The following PIK3C3 variants were observed in gnomAD, a reference collection of about 807,000 sequenced individuals.
PIK3C3 encodes phosphatidylinositol 3-kinase catalytic subunit type 3.
A neutral mutation model predicts 126.1 loss-of-function variants in PIK3C3; 95 were observed. The ratio of observed to expected loss-of-function variants is 0.75; its 90% CI spans 0.64 to 0.89. The LOEUF (loss-of-function observed/expected upper bound fraction) is 0.89, where lower values mean the gene tolerates loss of function less well. Among genes scored for constraint, PIK3C3 ranks in the 40% least tolerant of loss-of-function variants. The pLI is 0.00. For synonymous variants in PIK3C3, 374 were observed against 360.0 expected, an observed-to-expected ratio of 1.04 and a Z score of -0.44; for missense variants, 829 against 1,063.2, an observed-to-expected ratio of 0.78 and a Z score of 3.06.
chr18:42,067,048 T>C (rs1040588025), intron 23 of PIK3C3, among the ~76,000 whole-genome samples: 1 of 152,128 alleles, frequency 6.6e-6, no homozygotes, highest in African/African-American at 2.4e-5. Context: ...TCATATATAG[T>C]AACTCTAGAT....
chr18:42,028,924 G>A (rs1983694681), intron 14 of PIK3C3, among the ~76,000 whole-genome samples: 1 of 152,214 alleles, frequency 6.6e-6, no homozygotes. Context: ...TTAGTTCCTT[G>A]AAGATCTATA....
At chr18:42,058,176 A>G (rs1016361069) in intron 22 of PIK3C3, 125 bp downstream of exon 22, 2 of 666,088 alleles carry the variant, frequency 3.0e-6, no homozygotes, top group Non-Finnish European at 4.7e-6. Flanking sequence ...AAAGGCAACA[A>G]TATTTCCTAT....
At chr18:42,054,126 G>GTATATCTATATCTATATATATATCTATA (rs1473971394) in intron 21 of PIK3C3, among the ~76,000 whole-genome samples, 1 of 69,654 alleles carries the variant, frequency 1.4e-5, no homozygotes, top group Non-Finnish European at 2.8e-5. Context: ...AGAACTAATG[G>GTATATCTATATCTATATATATATCTATA]TATATATATA....
intron 10 of PIK3C3, among the ~76,000 whole-genome samples, chr18:42,012,010 A>G (rs1461110497): frequency 6.6e-6 from 1 of 152,198 alleles, no homozygotes; most frequent in African/African-American, 2.4e-5. Flanking sequence ...CAATAGTAAC[A>G]TCAAAGATCA....
chr18:42,079,761 T>C (rs74967704), intron 24 of PIK3C3, among the ~76,000 whole-genome samples: 1 of 152,156 alleles, frequency 6.6e-6, no homozygotes, highest in Non-Finnish European at 1.5e-5. Context: ...TTATTTAGAC[T>C]CCCTCGTATG....
At chr18:42,038,406 A>T (rs1984155364) in intron 17 of PIK3C3, among the ~76,000 whole-genome samples, 1 of 151,834 alleles carries the variant, frequency 6.6e-6, no homozygotes, top group African/African-American at 2.4e-5. Context: ...AAGTGGCGCG[A>T]TCTTGGCTCA....
chr18:42,065,296 C>T (rs1473253426), intron 23 of PIK3C3, among the ~76,000 whole-genome samples: 1 of 152,040 alleles, frequency 6.6e-6, no homozygotes, highest in Non-Finnish European at 1.5e-5. Flanking sequence ...TGAGATGACC[C>T]ATGACCGCAG....
At chr18:41,962,701 G>A (rs1980158226) in intron 3 of PIK3C3, 69 bp downstream of exon 3, 15 of 1,482,036 alleles carry the variant, frequency 1.0e-5, no homozygotes, top group Non-Finnish European at 1.2e-5. Context: ...TTCGGAATGA[G>A]GGAAGGCTTT....
At chr18:41,956,303 T>C (rs1201671985) in intron 1 of PIK3C3, among the ~76,000 whole-genome samples, 1 of 152,220 alleles carries the variant, frequency 6.6e-6, no homozygotes, top group East Asian at 1.9e-4. Context: ...ACAAATACTT[T>C]ACTTTTTAGT....
chr18:42,068,286 C>T (rs556991199), intron 24 of PIK3C3, among the ~76,000 whole-genome samples: 1 of 152,236 alleles, frequency 6.6e-6, no homozygotes, highest in African/African-American at 2.4e-5. Context: ...TGCCTAACAG[C>T]GAAGTCAAAT....
chr18:42,008,687 TC>T, intron 10 of PIK3C3, among the ~76,000 whole-genome samples: 1 of 152,104 alleles, frequency 6.6e-6, no homozygotes, highest in Non-Finnish European at 1.5e-5. Flanking sequence ...GTTTTTTTTT[TC>T]TTTTTTGCTT....
At chr18:42,038,093 C>G (rs1314150386) in intron 17 of PIK3C3, among the ~76,000 whole-genome samples, 1 of 152,052 alleles carries the variant, frequency 6.6e-6, no homozygotes, top group African/African-American at 2.4e-5. Flanking sequence ...TTTCCTTCCT[C>G]TTAGTCTATT....
chr18:41,981,757 C>G (rs571315773), intron 4 of PIK3C3, among the ~76,000 whole-genome samples: 1 of 149,358 alleles, frequency 6.7e-6, no homozygotes, highest in African/African-American at 2.5e-5. Flanking sequence ...GTCAGGAGTT[C>G]GAGACCAGCC....
At chr18:42,080,739 A>G (rs1199932459) in intron 24 of PIK3C3, among the ~76,000 whole-genome samples, 3 of 152,212 alleles carry the variant, frequency 2.0e-5, no homozygotes, top group South Asian at 2.1e-4. Context: ...AGGTTTTCAC[A>G]GCCTCTCAAA....
At chr18:41,991,570 A>C (rs1213478822) in intron 6 of PIK3C3, among the ~76,000 whole-genome samples, 1 of 152,158 alleles carries the variant, frequency 6.6e-6, no homozygotes, top group Non-Finnish European at 1.5e-5. Context: ...TTTAAATTAA[A>C]TTTACATTTT....
chr18:42,071,990 T>C (rs1985793090), intron 24 of PIK3C3, among the ~76,000 whole-genome samples: 1 of 152,198 alleles, frequency 6.6e-6, no homozygotes, highest in Admixed American at 6.5e-5. Flanking sequence ...ATACAAATCT[T>C]TTCAAATAAC....
intron 21 of PIK3C3, among the ~76,000 whole-genome samples, chr18:42,057,354 G>A (rs1985116344): frequency 6.6e-6 from 1 of 152,088 alleles, no homozygotes; most frequent in Non-Finnish European, 1.5e-5. Context: ...GGATTAAAGT[G>A]ATAGGTGATA....
At chr18:41,974,913 T>G (rs1980839372) in intron 4 of PIK3C3, among the ~76,000 whole-genome samples, 3 of 152,364 alleles carry the variant, frequency 2.0e-5, no homozygotes, top group South Asian at 4.1e-4. Flanking sequence ...GCTTCTCCAC[T>G]GTCTCCTTTT....
chr18:41,989,761 T>C (rs591870), intron 5 of PIK3C3, among the ~76,000 whole-genome samples: 12,619 of 152,202 alleles, frequency 0.083, 1,708 homozygotes, highest in African/African-American at 0.28. Flanking sequence ...ACTAAATTGC[T>C]TAATGATGCA....
Sources: allele counts gnomAD v4.1 joint callset (sites outside exome capture counted in the v4.1 genomes callset), GRCh38; gene constraint gnomAD v4.1.1; transcripts MANE v1.5; gene names NCBI Gene and HGNC (gene_info 2026-07-23, HGNC 2026-07-21).